C2: variants seen among roughly 807,000 people sequenced by gnomAD.
C2 encodes complement C2, also known as C3/C5 convertase.
A neutral mutation model predicts 85.2 loss-of-function variants in C2; 64 were observed. The observed-to-expected ratio is 0.75, with a 90% confidence interval of 0.61 to 0.92. The LOEUF (loss-of-function observed/expected upper bound fraction) is 0.92, where lower values mean the gene tolerates loss of function less well. Among genes scored for constraint, C2 ranks in the 40% least tolerant of loss-of-function variants. The pLI is 0.00. For missense variants in C2, 820 were observed against 971.6 expected (o/e 0.84, Z 2.07); for synonymous variants, 311 against 370.8 (o/e 0.84, Z 1.85).
chr6:31,938,745 CGCCTCCCAGGTTCAAGCGATTCTCCT>C (rs1770643406), intron 8 of C2, among the ~76,000 whole-genome samples: 1 of 152,032 alleles, frequency 6.6e-6, no homozygotes. Flanking sequence ...CCGCAACCTC[CGCCTCCCAGGTTCAAGCGATTCTCCT>C]GCCTCCTGAG....
upstream of C2, among the ~76,000 whole-genome samples, chr6:31,898,226 C>A (rs1427441948): frequency 1.3e-5 from 2 of 152,314 alleles, no homozygotes; most frequent in Non-Finnish European, 2.9e-5. Flanking sequence ...CTAAATGTCT[C>A]TTCTGTTTAT....
chr6:31,910,021 C>T (rs1356914503), intron 1 of C2, among the ~76,000 whole-genome samples: 2 of 151,790 alleles, frequency 1.3e-5, no homozygotes, highest in Middle Eastern at 3.4e-3. Context: ...GCTGGGACTA[C>T]AGTCACGCGC....
At position 31,922,105 on chromosome 6, in the gene C2, C is replaced by T. The variant is rs1769016490; in HGVS notation, c.-100+2079C>T. Among the ~76,000 whole-genome samples the T allele has an allele frequency of 6.6e-6, 1 of 152,076 alleles. No homozygotes were observed. Among genetic ancestry groups the T allele is most frequent in the Non-Finnish European group, 1.5e-5 (1 of 68,020 alleles). On this transcript the variant is annotated intron_variant, in intron 1 of 3. Coordinates refer to the C2 transcript ENST00000413154. The surrounding 1 kb of genome is among the most constrained non-coding windows in gnomAD (Gnocchi z 4.8). ...TCCAGCTTTCTGTGCACAGATGGTGCAGGACACCAAAAACAATCCTTGGGT... is the reference window on the plus strand; with the variant it reads ...TCCAGCTTTCTGTGCACAGATGGTGTAGGACACCAAAAACAATCCTTGGGT...
At chr6:31,942,108 G>A (rs529233959) in intron 9 of C2, among the ~76,000 whole-genome samples, 1 of 147,774 alleles carries the variant, frequency 6.8e-6, no homozygotes, top group East Asian at 2.0e-4. Context: ...GAGCCACCGT[G>A]CCCGGCTCAC....
At chr6:31,916,283 GT>G (rs974040255), upstream of C2, among the ~76,000 whole-genome samples, 3 of 152,168 alleles carry the variant, frequency 2.0e-5, no homozygotes, top group African/African-American at 7.2e-5. Context: ...TGTTGGCCGG[GT>G]ATGGTGGCTC....
chr6:31,909,948 T>C (rs999679621), intron 1 of C2, among the ~76,000 whole-genome samples: 5 of 151,916 alleles, frequency 3.3e-5, no homozygotes, highest in Admixed American at 3.3e-4. Flanking sequence ...TGGTGCGATC[T>C]TGGCTCACTG....
At position 31,943,355 on chromosome 6, in the gene C2, G is replaced by A. The variant is rs765926815; in HGVS notation, c.1455+36G>A. ...GGAGGGGCAGGGCTTGGATTCCAGA[G>A]GTAAAAGCGGCCATGGGCCAGACAT... is the stretch of plus-strand genomic sequence containing the variant. On this transcript the variant is annotated intron_variant, in intron 11 of 17. Transcript: ENST00000299367. The surrounding 1 kb of genome is among the most constrained non-coding windows in gnomAD (Gnocchi z 6.4). The A allele has an allele frequency of 4.3e-6, 7 of 1,609,914 alleles. No homozygotes were observed. The Admixed American group carries it at 1.0e-4, about 23-fold the overall frequency.
In C2 at chr6:31,934,241, G is replaced by A. The variant is rs1770210533; in HGVS notation, c.791G>A (p.Ser264Asn). Residue 264 changes from serine to asparagine, a missense_variant, in exon 6 of 18, where the codon AGT becomes AAT. Coordinates refer to ENST00000299367, the MANE Select transcript of C2 (RefSeq NM_000063.6). Reference protein sequence around the residue: ...NLYLLLDCSQSVSENDFLIFK... With the variant: ...NLYLLLDCSQNVSENDFLIFK... Reference sequence around the variant, plus strand: ...TACCTGCTCCTGGACTGTTCGCAGAGTGTGTCGGAAAATGACTTTCTCATC... The same window carrying A: ...TACCTGCTCCTGGACTGTTCGCAGAATGTGTCGGAAAATGACTTTCTCATC... The A allele has an allele frequency of 4.3e-6, 7 of 1,614,170 alleles. No individual in the cohort carries two copies. The highest frequency in any genetic ancestry group is 2.2e-5 in the East Asian group (1 of 44,886).
At chr6:31,924,997 G>A (rs978081668), upstream of C2, among the ~76,000 whole-genome samples, 3 of 152,150 alleles carry the variant, frequency 2.0e-5, no homozygotes, top group Non-Finnish European at 4.4e-5. Context: ...AGACCTTGCA[G>A]CTTATGTTTT....
intron 7 of C2, 56 bp downstream of exon 7, chr6:31,936,117 G>T: frequency 6.3e-7 from 1 of 1,587,004 alleles, no homozygotes; most frequent in Non-Finnish European, 8.6e-7. Context: ...CCCTCTCAGG[G>T]CCTGCAAACA....
At chr6:31,907,840 G>GAT (rs1420031664) in intron 1 of C2, among the ~76,000 whole-genome samples, 1 of 56,006 alleles carries the variant, frequency 1.8e-5, no homozygotes, top group African/African-American at 1.0e-4. Flanking sequence ...ACCACTTCTG[G>GAT]CTTTTTTTTT....
chr6:31,901,231 C>T (rs1767227403), intron 1 of C2: 1 of 1,613,332 alleles, frequency 6.2e-7, no homozygotes, highest in African/African-American at 1.3e-5. Flanking sequence ...CTGCCCGGAG[C>T]TGGTTCATGT....
At chr6:31,929,442 G>A (rs9283893) in intron 3 of C2, among the ~76,000 whole-genome samples, 18,388 of 152,096 alleles carry the variant, frequency 0.12, 2,107 homozygotes, top group African/African-American at 0.3. Flanking sequence ...CAACAGCCCT[G>A]GAGTGCGGTG....
chr6:31,926,969 GC>G (rs1031540756), upstream of C2, among the ~76,000 whole-genome samples: 3 of 152,116 alleles, frequency 2.0e-5, no homozygotes, highest in African/African-American at 7.2e-5. Flanking sequence ...GCATATCCCA[GC>G]CCCCGCAAAA....
At chr6:31,901,272 G>A in intron 1 of C2, 25 of 1,612,470 alleles carry the variant, frequency 1.6e-5, no homozygotes, top group Non-Finnish European at 2.1e-5. Flanking sequence ...TGGCCGGGCA[G>A]CTGGAAGCGC....
chr6:31,913,770 C>T (rs1768290018), intron 1 of C2, among the ~76,000 whole-genome samples: 1 of 151,866 alleles, frequency 6.6e-6, no homozygotes, highest in African/African-American at 2.4e-5. Context: ...CCTCAGGCTC[C>T]CGTGTAGCTG....
chr6:31,931,435 G>C (rs967710178), intron 3 of C2, among the ~76,000 whole-genome samples: 2 of 151,138 alleles, frequency 1.3e-5, no homozygotes, highest in Non-Finnish European at 3.0e-5. Flanking sequence ...TGTGTCCCTG[G>C]GTACTTGAGA....
chr6:31,918,002 C>T (rs937517194), upstream of C2, among the ~76,000 whole-genome samples: 5 of 151,830 alleles, frequency 3.3e-5, no homozygotes, highest in African/African-American at 7.3e-5. Context: ...TGAGCTTTTC[C>T]GTAAAAAAAT....
intron 1 of C2, chr6:31,901,225 C>T: frequency 2.5e-6 from 4 of 1,613,462 alleles, no homozygotes; most frequent in Non-Finnish European, 3.4e-6. Context: ...GCTCCTCTGC[C>T]CGGAGCTGGT....
Sources: allele counts gnomAD v4.1 joint callset (sites outside exome capture counted in the v4.1 genomes callset), GRCh38; gene constraint gnomAD v4.1.1; non-coding constraint Gnocchi (gnomAD v3.1); transcripts MANE v1.5; gene names NCBI Gene and HGNC (gene_info 2026-07-23, HGNC 2026-07-21).